Variants in RIT2 observed in about 807,000 individuals in gnomAD.
RIT2 encodes Ras like without CAAX 2.
A neutral mutation model predicts 23.7 loss-of-function variants in RIT2; 24 were observed. The observed-to-expected ratio is 1.01, with a 90% CI of 0.73 to 1.43. The LOEUF (loss-of-function observed/expected upper bound fraction) is 1.43. Ranked by LOEUF, RIT2 falls within the 40% of genes most tolerant of loss-of-function variation. RIT2 has a pLI of 0.00. For missense variants in RIT2, 236 were observed against 266.9 expected, an observed-to-expected ratio of 0.88 and a Z score of 0.81; for synonymous variants, 107 against 91.1, an observed-to-expected ratio of 1.17 and a Z score of -0.99.
intron 4 of RIT2, among the ~76,000 whole-genome samples, chr18:42,776,319 G>A (rs1913671346): frequency 6.6e-6 from 1 of 152,102 alleles, no homozygotes. Flanking sequence ...CCTGACACCT[G>A]TTAAACCTGT....
chr18:42,784,870 C>A (rs909999649), intron 4 of RIT2, among the ~76,000 whole-genome samples: 7 of 152,026 alleles, frequency 4.6e-5, no homozygotes, highest in Non-Finnish European at 1.0e-4. Context: ...AATCTCTTCT[C>A]TGTCATTTCC....
At chr18:42,768,639 C>T (rs562292970) in intron 4 of RIT2, among the ~76,000 whole-genome samples, 1 of 152,140 alleles carries the variant, frequency 6.6e-6, no homozygotes, top group East Asian at 1.9e-4. Flanking sequence ...TTTCCTGTTG[C>T]TTAAAACAGA....
At chr18:42,753,459 A>G (rs1441340486) in intron 4 of RIT2, among the ~76,000 whole-genome samples, 1 of 152,188 alleles carries the variant, frequency 6.6e-6, no homozygotes, top group Non-Finnish European at 1.5e-5. Context: ...CTCTTCCAAC[A>G]GAAGCTTTGC....
intron 2 of RIT2, among the ~76,000 whole-genome samples, chr18:42,998,550 A>T (rs1568051355): frequency 6.6e-6 from 1 of 151,718 alleles, no homozygotes; most frequent in Non-Finnish European, 1.5e-5. Flanking sequence ...TAGGTTTTGG[A>T]TTTTTTTTTA....
intron 2 of RIT2, among the ~76,000 whole-genome samples, chr18:43,006,864 T>C (rs1261000722): frequency 6.6e-6 from 1 of 151,432 alleles, no homozygotes; most frequent in African/African-American, 2.4e-5. Context: ...TTACATTGTA[T>C]ACTTGAGAAA....
chr18:43,050,026 GC>G (rs1912341422), intron 1 of RIT2, among the ~76,000 whole-genome samples: 1 of 69,640 alleles, frequency 1.4e-5, no homozygotes, highest in Non-Finnish European at 2.6e-5. Context: ...ACTCAGAATT[GC>G]TTTTTATTTG....
At chr18:42,812,261 C>T (rs575316741) in intron 4 of RIT2, among the ~76,000 whole-genome samples, 1 of 152,190 alleles carries the variant, frequency 6.6e-6, no homozygotes, top group South Asian at 2.1e-4. Context: ...CTCCATATTC[C>T]CATTTTCCTG....
In RIT2 at chr18:42,875,511, CAG is replaced by C. The variant is rs548426184; in HGVS notation, c.426+48059_426+48060del. Among the ~76,000 whole-genome samples the C allele has an allele frequency of 3.0e-4, 46 of 152,070 alleles. 1 individual carries two copies. The East Asian group carries it at 6.6e-3, about 22-fold the overall frequency. ...TAGCAAACCTTTGAACATGTGGAAA[CAG>C]ATGCTTGGTGGTATGCAGGCAAAAT... On this transcript the variant is annotated intron_variant, in intron 4 of 4. Transcript: ENST00000326695.
At chr18:42,817,427 G>A (rs1427137113) in intron 4 of RIT2, among the ~76,000 whole-genome samples, 1 of 151,942 alleles carries the variant, frequency 6.6e-6, no homozygotes, top group Non-Finnish European at 1.5e-5. Flanking sequence ...ATAATTAATT[G>A]GATAATGTTC....
intron 3 of RIT2, among the ~76,000 whole-genome samples, chr18:42,964,354 G>A (rs1910163288): frequency 6.6e-6 from 1 of 151,852 alleles, no homozygotes; most frequent in Non-Finnish European, 1.5e-5. Context: ...GCTACTAGAT[G>A]AAAAGCTACA....
chr18:42,829,512 G>C (rs571929430), intron 4 of RIT2, among the ~76,000 whole-genome samples: 26 of 152,248 alleles, frequency 1.7e-4, no homozygotes, highest in African/African-American at 6.3e-4. Context: ...CGTTCTGAGG[G>C]AGAGGAGGAG....
rs191324817 is a variant in RIT2, at chr18:42,767,407, G to C, written c.427-23687C>G. 4.6e-5 allele frequency among the ~76,000 whole-genome samples: 7 copies of C among 152,306 alleles called. No homozygotes were observed. In the East Asian group the frequency reaches 9.7e-4, roughly 21 times the overall value. ...TGGATTTTGGACTTGCATGGGCCTG[G>C]TAACCACTTTGTTTTGGCCAGTTCC... On this transcript the variant is annotated intron_variant, in intron 4 of 4. Transcript: ENST00000326695.
rs754419829 is a variant in RIT2, at chr18:42,923,695, G to C, written c.303C>G (p.Val101=). 1.1e-5 allele frequency: 17 copies of C among 1,612,852 alleles called. No homozygotes were observed. In the South Asian group the frequency reaches 1.9e-4, roughly 18 times the overall value. The change falls in exon 4 of 5, where the codon GTC becomes GTG. Residue 101 remains valine, a synonymous_variant. Transcript: ENST00000326695. ...GGEGFIICYS[V]TDRQSFQEAA... ...CCTCCTGAAATGATTGACGGTCAGT[G>C]ACGGAGTAGCAGATGATGAAGCCTT...
chr18:42,774,332 C>A (rs1039311155), intron 4 of RIT2, among the ~76,000 whole-genome samples: 1 of 152,066 alleles, frequency 6.6e-6, no homozygotes, highest in Non-Finnish European at 1.5e-5. Context: ...CAGGACCTAG[C>A]AATTTAACTA....
At chr18:42,813,729 T>G (rs1475999354) in intron 4 of RIT2, among the ~76,000 whole-genome samples, 1 of 152,214 alleles carries the variant, frequency 6.6e-6, no homozygotes, top group Non-Finnish European at 1.5e-5. Context: ...TAGACTAGAT[T>G]GCAGCTCTGA....
chr18:42,866,820 T>C (rs534747309), intron 4 of RIT2, among the ~76,000 whole-genome samples: 59 of 152,266 alleles, frequency 3.9e-4, no homozygotes, highest in Admixed American at 8.5e-4. Flanking sequence ...GGCTCTTTTT[T>C]GTATTTAAAC....
chr18:42,770,844 G>GA (rs1230775682), intron 4 of RIT2, among the ~76,000 whole-genome samples: 1 of 151,144 alleles, frequency 6.6e-6, no homozygotes, highest in Non-Finnish European at 1.5e-5. Flanking sequence ...GAGAGGAAGG[G>GA]AAAAAAAGGA....
intron 1 of RIT2, among the ~76,000 whole-genome samples, chr18:43,069,281 G>T (rs903787304): frequency 6.6e-6 from 1 of 151,944 alleles, no homozygotes. Context: ...TATTGGGAAC[G>T]CCCTACTCTG....
intron 1 of RIT2, among the ~76,000 whole-genome samples, chr18:43,082,190 TTATAG>T (rs1913173031): frequency 6.6e-6 from 1 of 152,302 alleles, no homozygotes; most frequent in Admixed American, 6.5e-5. Flanking sequence ...ATAGAGGTGT[TTATAG>T]TATTCTGTAA....
Sources: gnomAD v4.1 joint callset for allele counts (sites outside exome capture counted in the v4.1 genomes callset) on GRCh38, gnomAD v4.1.1 for gene constraint, MANE v1.5 for transcripts, NCBI Gene and HGNC (gene_info 2026-07-23, HGNC 2026-07-21) for gene names.